The following CALN1 variants were observed in gnomAD, a reference collection of about 807,000 sequenced individuals.
CALN1 encodes the protein calcium-binding protein 8.
A neutral mutation model predicts 30.6 loss-of-function variants in CALN1; 17 were observed. The observed-to-expected ratio is 0.56, with a 90% CI of 0.38 to 0.83. The LOEUF (loss-of-function observed/expected upper bound fraction) is 0.83, where lower values mean the gene tolerates loss of function less well. CALN1 is among the 40% of genes least tolerant of loss of function. The probability of loss-of-function intolerance (pLI) is 0.00; values close to 1 mark genes in which losing one functional copy is unlikely to be tolerated. For missense variants in CALN1, 291 were observed against 354.9 expected (o/e 0.82, Z 1.45); for synonymous variants, 156 against 131.4 (o/e 1.19, Z -1.28).
intron 3 of CALN1, among the ~76,000 whole-genome samples, chr7:72,243,116 G>T (rs555810479): frequency 1.3e-5 from 2 of 152,216 alleles, no homozygotes; most frequent in South Asian, 4.2e-4. Context: ...TTTGGAAGTG[G>T]GACCTCTGAG....
At chr7:72,146,635 A>T (rs1257962529) in intron 3 of CALN1, among the ~76,000 whole-genome samples, 2 of 152,176 alleles carry the variant, frequency 1.3e-5, no homozygotes, top group Non-Finnish European at 2.9e-5. Flanking sequence ...GTTCATATGG[A>T]ACCAAAAAAG....
chr7:72,383,113 T>C (rs919609059), intron 2 of CALN1, among the ~76,000 whole-genome samples: 1 of 152,208 alleles, frequency 6.6e-6, no homozygotes, highest in Non-Finnish European at 1.5e-5. Flanking sequence ...TATGGCTGCA[T>C]AGTATTCCAT....
In CALN1 at chr7:71,787,219, T is replaced by A. The variant is rs1199811087; in HGVS notation, c.*556A>T. On this transcript the variant is annotated 3_prime_UTR_variant, in exon 7 of 7. Coordinates refer to ENST00000395275, the MANE Select transcript of CALN1 (RefSeq NM_031468.4). The stretch of plus-strand genomic sequence containing the variant: ...GAAGACCGCCAGGGCTGCACCCCAC[T>A]TAATGGCTTTCCCCTCATGCCTTGG... 1 of 154,264 alleles carries A rather than the reference T, an allele frequency of 6.5e-6. No homozygotes were observed. The highest frequency in any genetic ancestry group is 1.4e-5 in the Non-Finnish European group (1 of 69,126). The allele number at this position is 154,264 out of a possible 1,614,324, so 9.6% of individuals were successfully genotyped here. A position where few individuals can be genotyped will look rare whatever the true frequency, so the allele number is the denominator to read the frequency against.
rs376782873 is a variant in CALN1, at chr7:72,157,575, G to GA, written c.245-51282dup. 3.1e-4 allele frequency among the ~76,000 whole-genome samples: 45 copies of GA among 146,770 alleles called. No individual in the cohort carries two copies. In the East Asian group the frequency reaches 4.5e-3, roughly 15 times the overall value. On this transcript the variant is annotated intron_variant, in intron 3 of 6. Coordinates refer to ENST00000395275, the MANE Select transcript of CALN1 (RefSeq NM_031468.4). ...CAAAAAGACTTTTAGGAAGACAGGG[G>GA]AAAAAAAAAACAGGGTATTTTTGAA...
At chr7:72,161,349 A>AC (rs1788094275) in intron 3 of CALN1, among the ~76,000 whole-genome samples, 1 of 152,100 alleles carries the variant, frequency 6.6e-6, no homozygotes, top group African/African-American at 2.4e-5. Context: ...AGTGATAATC[A>AC]CCCAGCCCTG....
chr7:72,134,270 G>A (rs1809356927), intron 3 of CALN1, among the ~76,000 whole-genome samples: 1 of 152,108 alleles, frequency 6.6e-6, no homozygotes, highest in Non-Finnish European at 1.5e-5. Flanking sequence ...CAGAATTGTG[G>A]GAAATAAATT....
intron 5 of CALN1, among the ~76,000 whole-genome samples, chr7:71,949,801 G>A (rs894429127): frequency 2.0e-5 from 3 of 151,466 alleles, no homozygotes; most frequent in South Asian, 4.2e-4. Flanking sequence ...TCGCTTTGTC[G>A]CCCAGGCTGG....
At chr7:71,856,794 GA>G (rs1219623972) in intron 5 of CALN1, among the ~76,000 whole-genome samples, 1 of 151,822 alleles carries the variant, frequency 6.6e-6, no homozygotes, top group African/African-American at 2.4e-5. Flanking sequence ...ATCTCTACTA[GA>G]AATACAAAAA....
At chr7:72,099,754 T>TC (rs1806511005) in intron 4 of CALN1, among the ~76,000 whole-genome samples, 1 of 152,172 alleles carries the variant, frequency 6.6e-6, no homozygotes, top group South Asian at 2.1e-4. Flanking sequence ...AAACAAAACT[T>TC]CAAGGAAGCT....
chr7:72,037,332 A>T, intron 4 of CALN1, among the ~76,000 whole-genome samples: 1 of 151,918 alleles, frequency 6.6e-6, no homozygotes, highest in Admixed American at 6.6e-5. Context: ...TTGTATTTTT[A>T]GTAGAGATGG....
chr7:71,995,718 C>T (rs1799218161), intron 5 of CALN1, among the ~76,000 whole-genome samples: 1 of 151,956 alleles, frequency 6.6e-6, no homozygotes, highest in Non-Finnish European at 1.5e-5. Flanking sequence ...CCTGAAATCT[C>T]CCTCTCTCAC....
chr7:72,451,363 G>GA (rs1234679915), upstream of CALN1, among the ~76,000 whole-genome samples: 1 of 123,412 alleles, frequency 8.1e-6, no homozygotes, highest in Non-Finnish European at 1.6e-5. Context: ...AGAAAAAGTA[G>GA]AAAAAATAAG....
chr7:72,351,922 T>A (rs1034271270), intron 2 of CALN1, among the ~76,000 whole-genome samples: 35 of 152,170 alleles, frequency 2.3e-4, no homozygotes, highest in African/African-American at 8.4e-4. Context: ...TCTTTTCAAG[T>A]GCCTTTTGAA....
Position 71,780,318 on chromosome 7 carries a change from C to CG in CALN1, c.*7456_*7457insC, listed in dbSNP as rs1792650710. Reference sequence around the variant, plus strand: ...GGATCCTTTCTTGGCCAATCTAGGTCTTTCCCAGGGAGAACAACAGGGCTT... The same window carrying CG: ...GGATCCTTTCTTGGCCAATCTAGGTCGTTTCCCAGGGAGAACAACAGGGCTT... On this transcript the variant is annotated 3_prime_UTR_variant, in exon 7 of 7. Transcript: ENST00000395275. 1 of 152,190 alleles carries CG rather than the reference C, an allele frequency of 6.6e-6. No homozygotes were observed. Among genetic ancestry groups the CG allele is most frequent in the East Asian group, 1.9e-4 (1 of 5,186 alleles). 9.4% of individuals were successfully genotyped at this position (152,190 alleles called of 1,614,324 possible).
At chr7:71,971,416 C>G (rs1246159840) in intron 5 of CALN1, among the ~76,000 whole-genome samples, 1 of 152,198 alleles carries the variant, frequency 6.6e-6, no homozygotes, top group Non-Finnish European at 1.5e-5. Context: ...TGCCACTGCA[C>G]TCCAGCCTGG....
chr7:71,915,397 G>T (rs189555805), intron 5 of CALN1, among the ~76,000 whole-genome samples: 15 of 152,240 alleles, frequency 9.9e-5, no homozygotes, highest in Non-Finnish European at 1.8e-4. Context: ...AAATGTCTAG[G>T]AATGAAGACA....
intron 5 of CALN1, among the ~76,000 whole-genome samples, chr7:71,953,633 A>G (rs1363629615): frequency 1.3e-5 from 2 of 152,060 alleles, no homozygotes; most frequent in Non-Finnish European, 2.9e-5. Flanking sequence ...GATGTGTGTA[A>G]AAGTGTTTTG....
Position 72,279,050 on chromosome 7 carries a change from T to C in CALN1, c.120-240A>G, listed in dbSNP as rs150929009. 3.6e-3 allele frequency among the ~76,000 whole-genome samples: 547 copies of C among 152,306 alleles called. 2 individuals carry two copies. The highest frequency in any genetic ancestry group is 6.1e-3 in the Non-Finnish European group (412 of 68,022). On this transcript the variant is annotated intron_variant, in intron 2 of 6. Transcript: ENST00000395275. ...TTACTTCATTTTCCCCATTTAATTA[T>C]GAATTTGAACGATGTTGTCCTTGTT...
chr7:72,338,080 C>G (rs945399541), intron 2 of CALN1, among the ~76,000 whole-genome samples: 1 of 152,116 alleles, frequency 6.6e-6, no homozygotes, highest in Non-Finnish European at 1.5e-5. Flanking sequence ...TTTGTCTTGG[C>G]AAGAAAAAGA....
Sources: gnomAD v4.1 joint callset for allele counts (sites outside exome capture counted in the v4.1 genomes callset) on GRCh38, gnomAD v4.1.1 for gene constraint, MANE v1.5 for transcripts, NCBI Gene and HGNC (gene_info 2026-07-23, HGNC 2026-07-21) for gene names.